The following RALYL variants were observed in gnomAD, a reference collection of about 807,000 sequenced individuals.
The protein encoded by RALYL is RALY RNA binding protein like.
Under a neutral mutation model 35.1 loss-of-function variants are expected in RALYL, and 29 were observed. That is an observed-to-expected ratio of 0.83 (90% confidence interval 0.61 to 1.13). RALYL has a LOEUF of 1.13. RALYL is among the 50% of genes most tolerant of loss of function. The probability of loss-of-function intolerance (pLI) is 0.00; values close to 1 mark genes in which losing one functional copy is unlikely to be tolerated. For missense variants in RALYL, 359 were observed against 360.4 expected (o/e 1.00, Z 0.03); for synonymous variants, 120 against 127.6 (o/e 0.94, Z 0.40).
intron 5 of RALYL, among the ~76,000 whole-genome samples, chr8:84,861,097 C>T (rs1004564770): frequency 3.3e-5 from 5 of 151,986 alleles, no homozygotes; most frequent in African/African-American, 2.4e-5. Flanking sequence ...TCTAGTTTCT[C>T]ATTTCTGACT....
At chr8:84,446,405 A>T (rs2048862022) in intron 1 of RALYL, among the ~76,000 whole-genome samples, 1 of 151,992 alleles carries the variant, frequency 6.6e-6, no homozygotes, top group African/African-American at 2.4e-5. Flanking sequence ...AAAATACAGA[A>T]TCGTTATATT....
chr8:84,810,926 G>GTGAGAGAGCCTGAGCTCGGACACC (rs1825761091), intron 4 of RALYL, among the ~76,000 whole-genome samples: 1 of 152,212 alleles, frequency 6.6e-6, no homozygotes, highest in South Asian at 2.1e-4. Context: ...GAGTTGATTG[G>GTGAGAGAGCCTGAGCTCGGACACC]TGAGTTCTTA....
At chr8:84,681,785 AC>A (rs1481985587) in intron 2 of RALYL, among the ~76,000 whole-genome samples, 6 of 152,212 alleles carry the variant, frequency 3.9e-5, no homozygotes, top group Non-Finnish European at 7.3e-5. Flanking sequence ...TCATCTGCAA[AC>A]AGGGACAATT....
At chr8:84,674,237 T>G (rs1247561377) in intron 2 of RALYL, among the ~76,000 whole-genome samples, 2 of 152,222 alleles carry the variant, frequency 1.3e-5, no homozygotes, top group African/African-American at 2.4e-5. Context: ...ATCCTGAGAC[T>G]TTGCTGAAGT....
chr8:84,637,323 G>A (rs1312253122), intron 2 of RALYL, among the ~76,000 whole-genome samples: 1 of 151,856 alleles, frequency 6.6e-6, no homozygotes, highest in African/African-American at 2.4e-5. Flanking sequence ...AACTATTGCA[G>A]TTGTTCATAG....
intron 1 of RALYL, among the ~76,000 whole-genome samples, chr8:84,468,201 G>T (rs2052034784): frequency 1.3e-5 from 2 of 151,964 alleles, no homozygotes; most frequent in South Asian, 2.1e-4. Flanking sequence ...TATAGCTGGT[G>T]ATTTTGCTCG....
intron 1 of RALYL, among the ~76,000 whole-genome samples, chr8:84,442,689 T>A (rs910179156): frequency 6.6e-6 from 1 of 152,126 alleles, no homozygotes; most frequent in Non-Finnish European, 1.5e-5. Flanking sequence ...AACTACATTT[T>A]TGGTTGCAAG....
At chr8:84,759,254 T>C (rs1812134662) in intron 2 of RALYL, among the ~76,000 whole-genome samples, 1 of 152,216 alleles carries the variant, frequency 6.6e-6, no homozygotes, top group Non-Finnish European at 1.5e-5. Flanking sequence ...TTCCAGGAAT[T>C]GGAATGTTCA....
intron 2 of RALYL, 147 bp downstream of exon 2, chr8:84,529,724 C>A: frequency 1.5e-6 from 1 of 648,958 alleles, no homozygotes; most frequent in Non-Finnish European, 2.4e-6. Context: ...TTTTTTCATC[C>A]TCATATTGTT....
At chr8:84,368,435 T>C (rs986389190) in intron 1 of RALYL, among the ~76,000 whole-genome samples, 2 of 152,168 alleles carry the variant, frequency 1.3e-5, no homozygotes, top group African/African-American at 4.8e-5. Flanking sequence ...GCATATACCA[T>C]GTTTTACGCA....
intron 2 of RALYL, among the ~76,000 whole-genome samples, chr8:84,646,134 G>T (rs1827440766): frequency 6.6e-6 from 1 of 151,232 alleles, no homozygotes; most frequent in Non-Finnish European, 1.5e-5. Flanking sequence ...CCTTTACTTA[G>T]CTTCCATTTC....
In RALYL at chr8:84,863,475, G is replaced by A. The variant is rs151094003; in HGVS notation, c.571+1022G>A. On this transcript the variant is annotated intron_variant, in intron 6 of 8. Transcript: ENST00000521268. ...TTCCAATGCAGCTTGGTAAGCCGCC[G>A]TAGAGACTTGGATTTACTCTGCATC... Among the ~76,000 whole-genome samples, 23 of 152,276 alleles carry A rather than the reference G, an allele frequency of 1.5e-4. No individual in the cohort carries two copies. In the East Asian group the frequency reaches 3.3e-3, roughly 22 times the overall value.
intron 1 of RALYL, among the ~76,000 whole-genome samples, chr8:84,229,688 T>C (rs1049316304): frequency 6.6e-6 from 1 of 152,162 alleles, no homozygotes; most frequent in Non-Finnish European, 1.5e-5. Context: ...TATTTTGAGA[T>C]TAAGAAAGAG....
At chr8:84,743,364 C>A (rs1209986083) in intron 2 of RALYL, among the ~76,000 whole-genome samples, 1 of 151,732 alleles carries the variant, frequency 6.6e-6, no homozygotes, top group Non-Finnish European at 1.5e-5. Context: ...CAGTGATTAT[C>A]AGGAAATGAA....
intron 1 of RALYL, among the ~76,000 whole-genome samples, chr8:84,498,267 C>T (rs185981904): frequency 4.3e-4 from 65 of 151,950 alleles, no homozygotes; most frequent in Middle Eastern, 3.4e-3. Flanking sequence ...CTTCAGCTTG[C>T]GAGTTGTAGA....
chr8:84,865,849 C>A (rs1385345677), intron 6 of RALYL, among the ~76,000 whole-genome samples: 1 of 152,120 alleles, frequency 6.6e-6, no homozygotes, highest in African/African-American at 2.4e-5. Flanking sequence ...GAATAGGTGA[C>A]AAACTAATAT....
In RALYL at chr8:84,395,160, G is replaced by A. The variant is rs569850724; in HGVS notation, c.-23-134139G>A. 1.1e-4 allele frequency among the ~76,000 whole-genome samples: 16 copies of A among 151,778 alleles called. No individual in the cohort carries two copies. The East Asian group carries it at 1.7e-3, about 17-fold the overall frequency. ...TCACTTTTTTTCTGTTGGAATATTA[G>A]TATTTTATTAAATGATTTTTTAAAA... On this transcript the variant is annotated intron_variant, in intron 1 of 8. Transcript: ENST00000521268.
chr8:84,311,459 G>A (rs1014529755), intron 1 of RALYL, among the ~76,000 whole-genome samples: 1 of 152,054 alleles, frequency 6.6e-6, no homozygotes, highest in African/African-American at 2.4e-5. Flanking sequence ...AAATGACAAT[G>A]TTTAAACATA....
intron 1 of RALYL, among the ~76,000 whole-genome samples, chr8:84,240,242 GTTA>G (rs931115638): frequency 2.0e-5 from 3 of 152,116 alleles, no homozygotes; most frequent in African/African-American, 7.2e-5. Flanking sequence ...TACTTTTGAT[GTTA>G]TTGTTTTTTA....
Sources: allele counts gnomAD v4.1 joint callset (sites outside exome capture counted in the v4.1 genomes callset), GRCh38; gene constraint gnomAD v4.1.1; transcripts MANE v1.5; gene names NCBI Gene and HGNC (gene_info 2026-07-23, HGNC 2026-07-21).